Variants in ANKRD28 observed in about 807,000 individuals in gnomAD.
ANKRD28 encodes serine/threonine-protein phosphatase 6 regulatory ankyrin repeat subunit A.
In ANKRD28, 44 loss-of-function variants were observed where a neutral mutation model predicts 126.5. That is an observed-to-expected ratio of 0.35 (90% CI 0.27 to 0.45). ANKRD28 has a LOEUF of 0.45. ANKRD28 is among the 20% of genes least tolerant of loss of function. ANKRD28 has a pLI of 1.00. For synonymous variants in ANKRD28, 442 were observed against 468.5 expected (o/e 0.94, Z 0.73); for missense variants, 1,110 against 1,316.6 (o/e 0.84, Z 2.43).
chr3:15,679,270 A>G (rs778305597), intron 23 of ANKRD28, 31 bp downstream of exon 23: 2 of 1,599,162 alleles, frequency 1.3e-6, no homozygotes, highest in Non-Finnish European at 1.7e-6. Flanking sequence ...GTGCCTGGCT[A>G]AAACTATTTA....
chr3:15,829,512 T>C (rs891041611), intron 1 of ANKRD28, among the ~76,000 whole-genome samples: 3 of 152,322 alleles, frequency 2.0e-5, no homozygotes, highest in African/African-American at 7.2e-5. Context: ...CACATTAAAA[T>C]CCATTGGTCT....
chr3:15,823,780 T>C (rs2060997757), intron 1 of ANKRD28, among the ~76,000 whole-genome samples: 1 of 152,226 alleles, frequency 6.6e-6, no homozygotes, highest in Admixed American at 6.5e-5. Context: ...AAATATTTAA[T>C]ATATCACATT....
In ANKRD28 at chr3:15,676,984, C is replaced by A. The variant is rs761298767; in HGVS notation, c.2863G>T (p.Ala955Ser). ...DRNLINATNA[A>S]LQTPLHVAAR... ...ACTGACAGTACTCACGTTTGCAAGG[C>A]TGCGTTGGTTGCATTGATGAGGTTT... The change falls in exon 26 of 28, where the codon GCC becomes TCC. Residue 955 changes from alanine to serine, a missense_variant. By Grantham distance (99) the Ala-to-Ser change is moderately conservative. Transcript: ENST00000683139. 6 of 1,612,334 alleles carry A rather than the reference C, an allele frequency of 3.7e-6. No homozygotes were observed. The Admixed American group carries it at 1.0e-4, about 27-fold the overall frequency.
rs991071650 is a variant in ANKRD28 at position 15,854,995 on chromosome 3, G to A, written c.27+4382C>T. 5.3e-5 allele frequency among the ~76,000 whole-genome samples: 8 copies of A among 152,128 alleles called. No individual in the cohort carries two copies. The highest frequency in any genetic ancestry group is 9.7e-5 in the African/African-American group (4 of 41,390). ...ACTAGGGAGGCAGAGGTTGCAATGC[G>A]CCAAGATCGTGCCGCTGCACTCCAG... On this transcript the variant is annotated intron_variant, in intron 1 of 27. Transcript: ENST00000399451. The surrounding 1 kb of genome is among the most constrained non-coding windows in gnomAD (Gnocchi z 4.1).
chr3:15,750,755 A>G (rs1452258940), intron 4 of ANKRD28, among the ~76,000 whole-genome samples: 1 of 152,190 alleles, frequency 6.6e-6, no homozygotes, highest in Admixed American at 6.5e-5. Flanking sequence ...ATGAGGCACT[A>G]GTTAGAGTTC....
At chr3:15,785,556 A>G (rs1379825160) in intron 2 of ANKRD28, among the ~76,000 whole-genome samples, 2 of 152,144 alleles carry the variant, frequency 1.3e-5, no homozygotes, top group Non-Finnish European at 2.9e-5. Context: ...CAGAACACTG[A>G]TAACACCAAA....
intron 7 of ANKRD28, 58 bp from the exon 8 acceptor site, chr3:15,721,185 T>C: frequency 6.8e-7 from 1 of 1,479,152 alleles, no homozygotes; most frequent in South Asian, 1.2e-5. Flanking sequence ...ATCAATGTTG[T>C]GAGCTATTTT....
Position 15,696,175 on chromosome 3 carries a change from G to A in ANKRD28, c.1618C>T (p.His540Tyr). 6.3e-7 allele frequency: 1 copy of A among 1,593,916 alleles called. No individual in the cohort carries two copies. Among genetic ancestry groups the A allele is most frequent in the Non-Finnish European group, 8.6e-7 (1 of 1,168,512 alleles). The change falls in exon 15 of 28, where the codon CAT becomes TAT. Residue 540 changes from histidine to tyrosine, a missense_variant. By Grantham distance (83) the His-to-Tyr change is moderately conservative. Coordinates refer to ENST00000683139, the MANE Select transcript of ANKRD28 (RefSeq NM_001349278.2). ...CGGTGACCATAAGCAGCTGAATAAT[G>A]AACTGCGTTGTATCCTTGCTTATCA... The part of the protein sequence containing the change: ...IRDKQGYNAV[H>Y]YSAAYGHRLC...
At chr3:15,726,666 A>G (rs2074189105) in intron 6 of ANKRD28, among the ~76,000 whole-genome samples, 1 of 152,218 alleles carries the variant, frequency 6.6e-6, no homozygotes, top group Non-Finnish European at 1.5e-5. Flanking sequence ...AAGTTATCTA[A>G]AAGATATAAG....
chr3:15,674,516 G>A (rs921905962), intron 27 of ANKRD28, among the ~76,000 whole-genome samples: 3 of 152,178 alleles, frequency 2.0e-5, no homozygotes, highest in Non-Finnish European at 2.9e-5. Context: ...GGTTTAAGCT[G>A]TTTATCAGAC....
intron 2 of ANKRD28, among the ~76,000 whole-genome samples, chr3:15,783,895 A>T (rs1417715039): frequency 2.0e-5 from 3 of 152,050 alleles, no homozygotes; most frequent in Non-Finnish European, 2.9e-5. Context: ...AAATTGCAGA[A>T]AATCAAAGAT....
At chr3:15,705,005 A>C (rs1272567888) in intron 14 of ANKRD28, among the ~76,000 whole-genome samples, 1 of 152,186 alleles carries the variant, frequency 6.6e-6, no homozygotes, top group Non-Finnish European at 1.5e-5. Flanking sequence ...CCTTTTACAA[A>C]TAAAGAATAT....
intron 7 of ANKRD28, 88 bp from the exon 8 acceptor site, chr3:15,721,215 C>A: frequency 2.8e-6 from 3 of 1,066,212 alleles, no homozygotes; most frequent in Non-Finnish European, 4.2e-6. Flanking sequence ...TGGTTGCAAT[C>A]AAATTACTAA....
chr3:15,799,461 AATTC>A (rs2060412624), upstream of ANKRD28, among the ~76,000 whole-genome samples: 1 of 152,048 alleles, frequency 6.6e-6, no homozygotes, highest in Non-Finnish European at 1.5e-5. Context: ...ACATGCTAAC[AATTC>A]ATTAGTTATA....
chr3:15,764,385 A>G (rs1293283252), intron 3 of ANKRD28, among the ~76,000 whole-genome samples: 1 of 152,184 alleles, frequency 6.6e-6, no homozygotes, highest in African/African-American at 2.4e-5. Flanking sequence ...CATGCTCATG[A>G]TAAGACTCAT....
intron 17 of ANKRD28, among the ~76,000 whole-genome samples, chr3:15,693,616 G>A (rs112028612): frequency 1.6e-4 from 25 of 152,218 alleles, no homozygotes; most frequent in African/African-American, 6.0e-4. Context: ...TGCTGCTGCT[G>A]CTGCTGCTGC....
In ANKRD28 at chr3:15,670,312, A is replaced by G; in HGVS notation, c.3210T>C (p.Thr1070=). 1 of 1,613,960 alleles carries G rather than the reference A, an allele frequency of 6.2e-7. No individual in the cohort carries two copies. The highest frequency in any genetic ancestry group is 8.5e-7 in the Non-Finnish European group (1 of 1,179,830). The change falls in exon 28 of 28, where the codon ACT becomes ACC. Residue 1070 remains threonine (T), a synonymous_variant. Transcript: ENST00000683139. ...NIGGEQEYLY[T]DVDELNDSDS... ...CGGAGTCGTTGAGCTCATCCACGTC[A>G]GTGTATAAGTACTCCTGTTCCCCTC...
At chr3:15,746,886 G>T (rs1159230026) in intron 4 of ANKRD28, among the ~76,000 whole-genome samples, 2 of 152,136 alleles carry the variant, frequency 1.3e-5, no homozygotes, top group African/African-American at 4.8e-5. Context: ...CTTGTTAATG[G>T]TCTGTTCAGA....
chr3:15,731,554 A>G (rs1479348024), intron 6 of ANKRD28, among the ~76,000 whole-genome samples: 4 of 152,172 alleles, frequency 2.6e-5, no homozygotes, highest in Non-Finnish European at 5.9e-5. Flanking sequence ...ACACAAGAAA[A>G]TGGCCCAGTA....
Sources: allele counts gnomAD v4.1 joint callset (sites outside exome capture counted in the v4.1 genomes callset), GRCh38; gene constraint gnomAD v4.1.1; non-coding constraint Gnocchi (gnomAD v3.1); transcripts MANE v1.5; gene names NCBI Gene and HGNC (gene_info 2026-07-23, HGNC 2026-07-21).